Variants in CCDC170 observed in about 807,000 individuals in gnomAD.
The protein encoded by CCDC170 is coiled-coil domain containing 170.
A neutral mutation model predicts 72.6 loss-of-function variants in CCDC170; 69 were observed. The ratio of observed to expected loss-of-function variants is 0.95; its 90% CI spans 0.78 to 1.16. The LOEUF is 1.16. Among genes scored for constraint, CCDC170 ranks in the 50% most tolerant of loss-of-function variants. The probability of loss-of-function intolerance (pLI) is 0.00; values close to 1 mark genes in which losing one functional copy is unlikely to be tolerated. For synonymous variants in CCDC170, 300 were observed against 303.9 expected, an observed-to-expected ratio of 0.99 and a Z score of 0.13; for missense variants, 852 against 832.5, an observed-to-expected ratio of 1.02 and a Z score of -0.29.
At chr6:151,570,589 T>C (rs1583031176) in intron 5 of CCDC170, among the ~76,000 whole-genome samples, 1 of 152,232 alleles carries the variant, frequency 6.6e-6, no homozygotes, top group Non-Finnish European at 1.5e-5. Flanking sequence ...TATTATTCCA[T>C]TTTATATGGG....
chr6:151,559,542 T>A (rs1455717314), intron 5 of CCDC170, among the ~76,000 whole-genome samples: 1 of 152,210 alleles, frequency 6.6e-6, no homozygotes, highest in Non-Finnish European at 1.5e-5. Context: ...CTGATTTTTG[T>A]ATGTTTATTT....
intron 5 of CCDC170, among the ~76,000 whole-genome samples, chr6:151,572,546 G>A (rs1776232703): frequency 1.4e-5 from 2 of 147,674 alleles, no homozygotes; most frequent in South Asian, 4.3e-4. Flanking sequence ...CCAATGATTT[G>A]TTTTTATTAA....
At chr6:151,500,576 A>C (rs1343596102) in intron 1 of CCDC170, among the ~76,000 whole-genome samples, 1 of 114,502 alleles carries the variant, frequency 8.7e-6, no homozygotes, top group Non-Finnish European at 1.7e-5. Flanking sequence ...TTGAAAGTAA[A>C]AGTGTATAAA....
At position 151,548,470 on chromosome 6, in the gene CCDC170, A is replaced by G. The variant is rs760350115; in HGVS notation, c.755A>G (p.Glu252Gly). The G allele has an allele frequency of 3.8e-6, 6 of 1,576,536 alleles. No individual in the cohort carries two copies. In the Admixed American group the frequency reaches 1.1e-4, roughly 30 times the overall value. The change falls in exon 5 of 11, where the codon GAG becomes GGG. Residue 252 changes from glutamate to glycine, a missense_variant. By Grantham distance (98) the Glu-to-Gly change is moderately conservative. Coordinates refer to ENST00000239374, the MANE Select transcript of CCDC170 (RefSeq NM_025059.4). ...AAAAAAGCTGCCTCCTGTACTGAAGAGAAAGAGAAGCTGAACCAGGTATGA... is the reference window on the plus strand; with the variant it reads ...AAAAAAGCTGCCTCCTGTACTGAAGGGAAAGAGAAGCTGAACCAGGTATGA... ...EQKKAASCTE[E>G]KEKLNQDLLS...
chr6:151,531,946 GT>G (rs1486024727), intron 1 of CCDC170, among the ~76,000 whole-genome samples: 3 of 152,174 alleles, frequency 2.0e-5, no homozygotes, highest in Non-Finnish European at 4.4e-5. Context: ...CAACTTGTAT[GT>G]TTATGGGAAC....
At chr6:151,546,997 G>GAAAA (rs34984012) in intron 4 of CCDC170, among the ~76,000 whole-genome samples, 5 of 148,626 alleles carry the variant, frequency 3.4e-5, no homozygotes, top group African/African-American at 1.2e-4. Flanking sequence ...GTCTTAAGAA[G>GAAAA]AAAAAAAAAA....
chr6:151,571,381 G>T (rs943306686), intron 5 of CCDC170, among the ~76,000 whole-genome samples: 22 of 151,496 alleles, frequency 1.5e-4, no homozygotes, highest in African/African-American at 5.3e-4. Context: ...TTAACACGCC[G>T]CTTAATATTT....
intron 4 of CCDC170, among the ~76,000 whole-genome samples, chr6:151,545,427 C>CA (rs202013994): frequency 0.011 from 1,624 of 150,830 alleles, 24 homozygotes; most frequent in African/African-American, 0.032. Flanking sequence ...ATAAACAAAA[C>CA]AAAACAAAAT....
At chr6:151,595,608 G>A (rs1436323900) in intron 8 of CCDC170, among the ~76,000 whole-genome samples, 1 of 152,056 alleles carries the variant, frequency 6.6e-6, no homozygotes, top group Non-Finnish European at 1.5e-5. Flanking sequence ...TTGAACCCAG[G>A]AGTTCAAGGC....
intron 9 of CCDC170, among the ~76,000 whole-genome samples, chr6:151,612,888 T>C (rs1390026569): frequency 6.6e-6 from 1 of 152,148 alleles, no homozygotes; most frequent in Non-Finnish European, 1.5e-5. Flanking sequence ...TCTTTGAGAA[T>C]ATACCTGAAC....
intron 7 of CCDC170, among the ~76,000 whole-genome samples, chr6:151,586,816 G>T (rs867353424): frequency 1.3e-5 from 2 of 151,766 alleles, no homozygotes; most frequent in African/African-American, 4.8e-5. Context: ...ACAGAGTCTC[G>T]CTCTGTTGCC....
At chr6:151,579,793 G>C (rs1020029184) in intron 6 of CCDC170, among the ~76,000 whole-genome samples, 1 of 152,202 alleles carries the variant, frequency 6.6e-6, no homozygotes, top group Non-Finnish European at 1.5e-5. Context: ...CAGTACACTG[G>C]AGCAGTAACC....
At chr6:151,561,720 G>A (rs1776037548) in intron 5 of CCDC170, among the ~76,000 whole-genome samples, 1 of 151,932 alleles carries the variant, frequency 6.6e-6, no homozygotes, top group South Asian at 2.1e-4. Context: ...CTATCTCATA[G>A]GAGTTCTCTA....
At chr6:151,580,975 T>C (rs751021486) in intron 6 of CCDC170, among the ~76,000 whole-genome samples, 1 of 152,188 alleles carries the variant, frequency 6.6e-6, no homozygotes, top group Non-Finnish European at 1.5e-5. Flanking sequence ...ACAATATAGA[T>C]ACTTTAATTA....
chr6:151,618,685 C>A lies in CCDC170; in HGVS notation c.*538C>A, dbSNP rs151213004. The A allele has an allele frequency of 2.4e-3, 386 of 157,920 alleles. 2 individuals carry two copies. Among genetic ancestry groups the A allele is most frequent in the African/African-American group, 8.8e-3 (367 of 41,532 alleles). The allele number at this position is 157,920 out of a possible 1,614,324, so 9.8% of individuals were successfully genotyped here. On this transcript the variant is annotated 3_prime_UTR_variant, in exon 11 of 11. Coordinates refer to ENST00000239374, the MANE Select transcript of CCDC170 (RefSeq NM_025059.4). Reference sequence around the variant, plus strand: ...CTGTGATGCTGGTGGGAATTGTTTGCATAGAGGAAGGACAATAACCCTGCC... The same window carrying A: ...CTGTGATGCTGGTGGGAATTGTTTGAATAGAGGAAGGACAATAACCCTGCC...
chr6:151,548,546 G>T, intron 5 of CCDC170, 57 bp downstream of exon 5: 1 of 1,419,112 alleles, frequency 7.0e-7, no homozygotes, highest in Non-Finnish European at 9.4e-7. Context: ...AGCAGAAATG[G>T]AAGAGATGGA....
chr6:151,542,579 TC>T (rs1782709022), intron 3 of CCDC170, among the ~76,000 whole-genome samples: 1 of 152,224 alleles, frequency 6.6e-6, no homozygotes, highest in Non-Finnish European at 1.5e-5. Flanking sequence ...CATAATGTAC[TC>T]AATCACTTTG....
At position 151,547,038 on chromosome 6, in the gene CCDC170, C is replaced by T. The variant is rs531957516; in HGVS notation, c.589-1266C>T. Among the ~76,000 whole-genome samples the T allele has an allele frequency of 1.9e-3, 286 of 151,888 alleles. 1 individual carries two copies. Among genetic ancestry groups the T allele is most frequent in the African/African-American group, 6.4e-3 (264 of 41,426 alleles). On this transcript the variant is annotated intron_variant, in intron 4 of 10. Transcript: ENST00000239374. Reference sequence around the variant, plus strand: ...TGGCCCAGATCAGGAAGTCTGCTGTCTTGACCAAGACTTCAGCCTCATTAG... The same window carrying T: ...TGGCCCAGATCAGGAAGTCTGCTGTTTTGACCAAGACTTCAGCCTCATTAG...
At chr6:151,546,963 T>G (rs1300314673) in intron 4 of CCDC170, among the ~76,000 whole-genome samples, 2 of 150,296 alleles carry the variant, frequency 1.3e-5, no homozygotes, top group Non-Finnish European at 2.9e-5. Flanking sequence ...AGCTTTGGCA[T>G]CTCGGCCACG....
Sources: allele counts gnomAD v4.1 joint callset (sites outside exome capture counted in the v4.1 genomes callset), GRCh38; gene constraint gnomAD v4.1.1; transcripts MANE v1.5; gene names NCBI Gene and HGNC (gene_info 2026-07-23, HGNC 2026-07-21).